The following ANK3 variants were observed in gnomAD, a reference collection of about 807,000 sequenced individuals.
The protein encoded by ANK3 is ankyrin-3.
ANK3 carries 57 observed loss-of-function variants against 370.9 expected under a neutral mutation model. That is an observed-to-expected ratio of 0.15 (90% CI 0.12 to 0.19). The LOEUF (loss-of-function observed/expected upper bound fraction) is 0.19. Among genes scored for constraint, ANK3 ranks in the 10% least tolerant of loss-of-function variants. The probability of loss-of-function intolerance (pLI) is 1.00; values close to 1 mark genes in which losing one functional copy is unlikely to be tolerated. For synonymous variants in ANK3, 1,929 were observed against 1,946.3 expected (o/e 0.99, Z 0.23); for missense variants, 4,439 against 5,302.1 (o/e 0.84, Z 5.06).
In ANK3 at chr10:60,074,871, C is replaced by T. The variant is rs1168784610; in HGVS notation, c.6010G>A (p.Ala2004Thr). The T allele has an allele frequency of 6.2e-7, 1 of 1,613,754 alleles. No homozygotes were observed. Among genetic ancestry groups the T allele is most frequent in the Non-Finnish European group, 8.5e-7 (1 of 1,179,936 alleles). ...AGAGATGGAGACTGGCTCGCAGCAG[C>T]TTGTTGTCTGGCTTCCCGGATTTCT... The part of the protein sequence containing the change: ...SEEIREARQQ[A>T]AASQSPSLPE... Residue 2004 changes from alanine (A) to threonine (T), a missense_variant, in exon 37 of 44, where the codon GCT becomes ACT. Transcript: ENST00000280772.
chr10:60,584,633 C>T lies in ANK3; in HGVS notation c.96+30553G>A, dbSNP rs75531411. On this transcript the variant is annotated intron_variant, in intron 2 of 43. Transcript: ENST00000373827. ...CCCCATCTCCTAATGAAAACAACAA[C>T]AACAACAAAAATGAAGAGCATCAAA... 2.9e-4 allele frequency among the ~76,000 whole-genome samples: 44 copies of T among 152,144 alleles called. No homozygotes were observed. In the East Asian group the frequency reaches 8.3e-3, roughly 29 times the overall value.
At chr10:60,486,097 G>A (rs1352419406) in intron 2 of ANK3, among the ~76,000 whole-genome samples, 3 of 152,176 alleles carry the variant, frequency 2.0e-5, no homozygotes, top group Admixed American at 6.5e-5. Flanking sequence ...CAACTGGCAA[G>A]AGACTGACCC....
chr10:60,174,752 AT>A (rs1299545157), intron 18 of ANK3, among the ~76,000 whole-genome samples: 1 of 152,076 alleles, frequency 6.6e-6, no homozygotes, highest in Non-Finnish European at 1.5e-5. Flanking sequence ...TTATTTATTT[AT>A]TTGAGACAGG....
At chr10:60,343,917 T>C (rs2061491) in intron 1 of ANK3, among the ~76,000 whole-genome samples, 106,204 of 152,172 alleles carry the variant, frequency 0.7, 38,342 homozygotes, top group South Asian at 0.91. Context: ...GATGCTGATG[T>C]AGTTAATCCA....
intron 7 of ANK3, among the ~76,000 whole-genome samples, chr10:60,250,493 T>C (rs1339391491): frequency 6.6e-6 from 1 of 152,200 alleles, no homozygotes; most frequent in Non-Finnish European, 1.5e-5. Context: ...GCCTCCCCAG[T>C]AGCTGGGACT....
intron 1 of ANK3, among the ~76,000 whole-genome samples, chr10:60,386,538 CTTT>C (rs921113546): frequency 5.7e-5 from 8 of 141,430 alleles, no homozygotes; most frequent in African/African-American, 1.5e-4. Context: ...TTCTGTACTG[CTTT>C]TTTTTTTTTG....
chr10:60,421,134 G>T (rs2063769762), intron 2 of ANK3, among the ~76,000 whole-genome samples: 1 of 151,950 alleles, frequency 6.6e-6, no homozygotes. Flanking sequence ...CCTAGACTAG[G>T]CAAGTTCACA....
In ANK3 at chr10:60,177,892, T is replaced by G. The variant is rs564609920; in HGVS notation, c.2184+3437A>C. On this transcript the variant is annotated intron_variant, in intron 18 of 43. Coordinates refer to ENST00000280772, the MANE Select transcript of ANK3 (RefSeq NM_020987.5). ...TTCAAATCTTAGCTGTTTGTATGTC[T>G]TTTAATTATCTCTCTAATTTCTCTC... Among the ~76,000 whole-genome samples the G allele has an allele frequency of 8.5e-5, 13 of 152,302 alleles. No homozygotes were observed. In the South Asian group the frequency reaches 2.7e-3, roughly 32 times the overall value.
intron 1 of ANK3, among the ~76,000 whole-genome samples, chr10:60,383,415 C>T (rs1049815016): frequency 6.6e-6 from 1 of 152,136 alleles, no homozygotes; most frequent in African/African-American, 2.4e-5. Flanking sequence ...CACAGAGAGA[C>T]TAAATAACTT....
chr10:60,271,504 C>T (rs1222416682), intron 4 of ANK3, among the ~76,000 whole-genome samples: 1 of 152,094 alleles, frequency 6.6e-6, no homozygotes, highest in Non-Finnish European at 1.5e-5. Flanking sequence ...CTGCACCGAG[C>T]CAGTAAATTC....
Position 60,075,395 on chromosome 10 carries a change from T to C in ANK3, c.5486A>G (p.Asn1829Ser), listed in dbSNP as rs373339085. Residue 1829 changes from asparagine to serine, a missense_variant, in exon 37 of 44, where the codon AAT becomes AGT. By Grantham distance (46) the Asn-to-Ser change is conservative. Around this residue, in one of 13 missense-constraint regions of ANK3, gnomAD observed 679 missense variants for 791.0 expected, o/e 0.86. Transcript: ENST00000280772. ...IITVPVYSVV[N>S]VLPEPALKKL... ...CTTTAATGCTGGTTCTGGCAAAACA[T>C]TGACTACAGAGTATACTGGCACTGT... is the stretch of plus-strand genomic sequence containing the variant. 2.3e-5 allele frequency: 37 copies of C among 1,613,848 alleles called. No individual in the cohort carries two copies. Among genetic ancestry groups the C allele is most frequent in the Non-Finnish European group, 2.8e-5 (33 of 1,180,000 alleles).
At chr10:60,513,392 GTTAC>G (rs1356827828) in intron 2 of ANK3, among the ~76,000 whole-genome samples, 2 of 152,194 alleles carry the variant, frequency 1.3e-5, no homozygotes, top group Admixed American at 6.5e-5. Context: ...TTCCAATGGT[GTTAC>G]TTACTATCCA....
chr10:60,603,461 C>A (rs1276080475), intron 2 of ANK3, among the ~76,000 whole-genome samples: 2 of 152,010 alleles, frequency 1.3e-5, no homozygotes, highest in African/African-American at 2.4e-5. Context: ...GGGAGAAATG[C>A]AAATTATAAA....
chr10:60,040,081 A>G (rs1430092568), intron 43 of ANK3, among the ~76,000 whole-genome samples: 1 of 152,228 alleles, frequency 6.6e-6, no homozygotes, highest in East Asian at 1.9e-4. Flanking sequence ...TACTTTGTAA[A>G]CTATAAATCA....
Position 60,387,694 on chromosome 10 carries a change from C to T in ANK3, c.114+1731G>A, listed in dbSNP as rs573316569. Reference sequence around the variant, plus strand: ...TCCCTTCTGGTTGCTAAGAGATTTACATTGGACAGACTCTGTTGTACTGGT... The same window carrying T: ...TCCCTTCTGGTTGCTAAGAGATTTATATTGGACAGACTCTGTTGTACTGGT... On this transcript the variant is annotated intron_variant, in intron 1 of 43. Coordinates refer to ENST00000280772, the MANE Select transcript of ANK3 (RefSeq NM_020987.5). 7.9e-5 allele frequency among the ~76,000 whole-genome samples: 12 copies of T among 152,288 alleles called. No individual in the cohort carries two copies. In the South Asian group the frequency reaches 2.5e-3, roughly 32 times the overall value.
At chr10:60,281,258 C>T (rs2098158154) in intron 1 of ANK3, among the ~76,000 whole-genome samples, 1 of 152,150 alleles carries the variant, frequency 6.6e-6, no homozygotes, top group Non-Finnish European at 1.5e-5. Flanking sequence ...TCAGCCTCAG[C>T]AGTATTGGCA....
intron 1 of ANK3, among the ~76,000 whole-genome samples, chr10:60,717,295 T>C (rs1340366815): frequency 2.0e-5 from 3 of 152,062 alleles, no homozygotes; most frequent in Admixed American, 6.6e-5. Flanking sequence ...ACTGTCAAAA[T>C]ATCCACACCC....
intron 1 of ANK3, among the ~76,000 whole-genome samples, chr10:60,323,529 G>A (rs935456484): frequency 3.3e-5 from 5 of 152,150 alleles, no homozygotes; most frequent in Non-Finnish European, 7.3e-5. Flanking sequence ...TAGGCTATTA[G>A]AGATACACAC....
intron 2 of ANK3, among the ~76,000 whole-genome samples, chr10:60,592,043 A>C (rs2077923000): frequency 6.6e-6 from 1 of 152,188 alleles, no homozygotes; most frequent in Non-Finnish European, 1.5e-5. Flanking sequence ...GTCAATAATA[A>C]TTTAATTGTA....
Sources: allele counts gnomAD v4.1 joint callset (sites outside exome capture counted in the v4.1 genomes callset), GRCh38; gene constraint gnomAD v4.1.1; regional missense constraint gnomAD v4.1.1; transcripts MANE v1.5; gene names NCBI Gene and HGNC (gene_info 2026-07-23, HGNC 2026-07-21).